PDZRN4: variants seen among roughly 807,000 people sequenced by gnomAD.
PDZRN4 encodes the protein PDZ domain-containing RING finger protein 4.
Under a neutral mutation model 99.0 loss-of-function variants are expected in PDZRN4, and 70 were observed. The ratio of observed to expected loss-of-function variants is 0.71; its 90% CI spans 0.58 to 0.86. The LOEUF (loss-of-function observed/expected upper bound fraction) is 0.86, where lower values mean the gene tolerates loss of function less well. Among genes scored for constraint, PDZRN4 ranks in the 40% least tolerant of loss-of-function variants. PDZRN4 has a pLI of 0.00. For synonymous variants in PDZRN4, 551 were observed against 501.6 expected (o/e 1.10, Z -1.32); for missense variants, 1,474 against 1,331.2 (o/e 1.11, Z -1.67).
At chr12:41,493,903 G>T (rs1253740380) in intron 3 of PDZRN4, among the ~76,000 whole-genome samples, 1 of 78,980 alleles carries the variant, frequency 1.3e-5, no homozygotes, top group Non-Finnish European at 2.5e-5. Flanking sequence ...AAAAATAATG[G>T]GGGGGGGGAT....
At chr12:41,571,376 T>TCTCTCACACACA (rs1303597271) in intron 9 of PDZRN4, among the ~76,000 whole-genome samples, 2 of 65,590 alleles carry the variant, frequency 3.0e-5, no homozygotes, top group Non-Finnish European at 6.7e-5. Flanking sequence ...TCTCTCTCTC[T>TCTCTCACACACA]CACACACACA....
At chr12:41,281,767 G>A (rs185754764) in intron 3 of PDZRN4, among the ~76,000 whole-genome samples, 6 of 152,128 alleles carry the variant, frequency 3.9e-5, no homozygotes, top group East Asian at 1.9e-4. Flanking sequence ...GTGACAGGGC[G>A]AATGGAACCA....
At chr12:41,354,629 A>G (rs1951913874) in intron 3 of PDZRN4, among the ~76,000 whole-genome samples, 1 of 152,116 alleles carries the variant, frequency 6.6e-6, no homozygotes, top group Non-Finnish European at 1.5e-5. Flanking sequence ...TGAATTTCAC[A>G]TCCCTGTTTT....
intron 3 of PDZRN4, among the ~76,000 whole-genome samples, chr12:41,293,019 G>A (rs191134353): frequency 1.9e-4 from 29 of 151,470 alleles, no homozygotes; most frequent in African/African-American, 6.3e-4. Flanking sequence ...GGAGGCACGC[G>A]CACCTTGCTT....
chr12:41,444,450 C>T (rs1022055781), intron 3 of PDZRN4, among the ~76,000 whole-genome samples: 2 of 152,070 alleles, frequency 1.3e-5, no homozygotes, highest in African/African-American at 4.8e-5. Context: ...CCTTCCTGTC[C>T]CTTCCACAAA....
intron 3 of PDZRN4, among the ~76,000 whole-genome samples, chr12:41,401,302 A>T (rs761461394): frequency 2.0e-4 from 30 of 152,168 alleles, no homozygotes; most frequent in Non-Finnish European, 3.2e-4. Context: ...CTGAGAACTA[A>T]GCTATTTAAA....
Position 41,239,819 on chromosome 12 carries a change from T to C in PDZRN4, c.843+45631T>C, listed in dbSNP as rs113400193. Among the ~76,000 whole-genome samples, 1,469 of 152,314 alleles carry C rather than the reference T, an allele frequency of 9.6e-3. 12 individuals carry two copies. Among genetic ancestry groups the C allele is most frequent in the South Asian group, 0.024 (114 of 4,826 alleles). On this transcript the variant is annotated intron_variant, in intron 3 of 9. Transcript: ENST00000402685. ...AAACAGAGTTGTGTAATGTAGGATT[T>C]TGAAGAATATAAAAGCACATATTTA...
intron 5 of PDZRN4, among the ~76,000 whole-genome samples, chr12:41,532,197 G>A (rs1394389736): frequency 6.6e-6 from 1 of 152,074 alleles, no homozygotes; most frequent in Non-Finnish European, 1.5e-5. Flanking sequence ...CACCTGGTAT[G>A]TAGTTATAAC....
chr12:41,459,875 A>T (rs567931306), intron 3 of PDZRN4: 12 of 1,087,102 alleles, frequency 1.1e-5, no homozygotes, highest in South Asian at 6.5e-5. Context: ...ACATTAGTTT[A>T]AAAAAAATGA....
At chr12:41,532,107 G>T (rs1481524658) in intron 5 of PDZRN4, among the ~76,000 whole-genome samples, 1 of 152,008 alleles carries the variant, frequency 6.6e-6, no homozygotes, top group Non-Finnish European at 1.5e-5. Flanking sequence ...TTTTACTGTG[G>T]TTAGAATTTG....
chr12:41,509,369 T>C (rs1938265577), intron 4 of PDZRN4, among the ~76,000 whole-genome samples: 1 of 152,034 alleles, frequency 6.6e-6, no homozygotes, highest in South Asian at 2.1e-4. Context: ...TTGAAAATGG[T>C]TTTCAAAAAA....
At chr12:41,306,186 A>G (rs1410869119) in intron 3 of PDZRN4, among the ~76,000 whole-genome samples, 1 of 152,156 alleles carries the variant, frequency 6.6e-6, no homozygotes, top group East Asian at 1.9e-4. Flanking sequence ...TCCACAGCTC[A>G]GGGAGCCACC....
At chr12:41,528,369 T>C (rs1177051540) in intron 5 of PDZRN4, among the ~76,000 whole-genome samples, 1 of 152,226 alleles carries the variant, frequency 6.6e-6, no homozygotes, top group Non-Finnish European at 1.5e-5. Context: ...GTCTCCACAG[T>C]GCACTCTGTA....
At chr12:41,403,840 C>CA (rs1156911763) in intron 3 of PDZRN4, among the ~76,000 whole-genome samples, 4 of 151,858 alleles carry the variant, frequency 2.6e-5, no homozygotes, top group African/African-American at 9.7e-5. Context: ...CTAAAAATCA[C>CA]AAAAAAATGC....
At chr12:41,460,098 T>C (rs1176987576) in intron 3 of PDZRN4, 1 of 1,280,350 alleles carries the variant, frequency 7.8e-7, no homozygotes, top group African/African-American at 1.5e-5. Context: ...ATATATTTTC[T>C]GTCAGGGGAT....
At chr12:41,299,836 AT>A (rs1012652965) in intron 3 of PDZRN4, among the ~76,000 whole-genome samples, 2 of 151,962 alleles carry the variant, frequency 1.3e-5, no homozygotes, top group African/African-American at 4.8e-5. Context: ...TACACAAGTT[AT>A]TTTTTATCTT....
At position 41,508,103 on chromosome 12, in the gene PDZRN4, A is replaced by G. The variant is rs554706790; in HGVS notation, c.1100+1391A>G. Reference sequence around the variant, plus strand: ...ATTGACTCATTTAGTTCTCACAATAATCTTAGGAGGGAGTACATTATATTA... The same window carrying G: ...ATTGACTCATTTAGTTCTCACAATAGTCTTAGGAGGGAGTACATTATATTA... On this transcript the variant is annotated intron_variant, in intron 4 of 9. Coordinates refer to ENST00000402685, the MANE Select transcript of PDZRN4 (RefSeq NM_001164595.2). Among the ~76,000 whole-genome samples, 4 of 152,246 alleles carry G rather than the reference A, an allele frequency of 2.6e-5. No homozygotes were observed. In the South Asian group the frequency reaches 8.3e-4, roughly 32 times the overall value.
intron 3 of PDZRN4, among the ~76,000 whole-genome samples, chr12:41,228,891 T>C (rs1951012464): frequency 6.6e-6 from 1 of 152,012 alleles, no homozygotes; most frequent in South Asian, 2.1e-4. Context: ...ACAGAGATAA[T>C]CTCACAGAAT....
rs564163666 is a variant in PDZRN4 at position 41,483,146 on chromosome 12, C to A, written c.844-23310C>A. On this transcript the variant is annotated intron_variant, in intron 3 of 9. Transcript: ENST00000402685. ...AGCTCAGCCTTTAAATATTCTTACC[C>A]TTTTATATTTTCCCCTCTTTATGAA... 6.6e-5 allele frequency among the ~76,000 whole-genome samples: 10 copies of A among 152,044 alleles called. No individual in the cohort carries two copies. The South Asian group carries it at 2.1e-3, about 32-fold the overall frequency.
Sources: gnomAD v4.1 joint callset for allele counts (sites outside exome capture counted in the v4.1 genomes callset) on GRCh38, gnomAD v4.1.1 for gene constraint, MANE v1.5 for transcripts, NCBI Gene and HGNC (gene_info 2026-07-23, HGNC 2026-07-21) for gene names.